COL4A3: variants seen among roughly 807,000 people sequenced by gnomAD.
The protein encoded by COL4A3 is collagen alpha-3(IV) chain.
Under a neutral mutation model 217.4 loss-of-function variants are expected in COL4A3, and 135 were observed. The observed-to-expected ratio is 0.62, with a 90% CI of 0.54 to 0.72. The LOEUF (loss-of-function observed/expected upper bound fraction) is 0.72, where lower values mean the gene tolerates loss of function less well. Among genes scored for constraint, COL4A3 ranks in the 30% least tolerant of loss-of-function variants. COL4A3 has a pLI of 0.00. For missense variants in COL4A3, 1,868 were observed against 2,119.9 expected (o/e 0.88, Z 2.33); for synonymous variants, 690 against 736.3 (o/e 0.94, Z 1.02).
intron 1 of COL4A3, among the ~76,000 whole-genome samples, chr2:227,203,298 T>TATACATAC: frequency 1.3e-5 from 1 of 74,330 alleles, no homozygotes; most frequent in Non-Finnish European, 2.7e-5. Context: ...CATATATGTG[T>TATACATAC]ATATATGTGT....
At chr2:227,232,983 C>G (rs1268511825) in intron 1 of COL4A3, among the ~76,000 whole-genome samples, 1 of 152,116 alleles carries the variant, frequency 6.6e-6, no homozygotes, top group Non-Finnish European at 1.5e-5. Context: ...GATTGTTCCA[C>G]AAGCATCTTT....
At chr2:227,194,677 T>G (rs2066401592) in intron 1 of COL4A3, among the ~76,000 whole-genome samples, 1 of 152,042 alleles carries the variant, frequency 6.6e-6, no homozygotes, top group South Asian at 2.1e-4. Context: ...TTTCTTAAAT[T>G]CAAATATAAA....
chr2:227,223,135 T>C (rs1008439826), intron 1 of COL4A3, among the ~76,000 whole-genome samples: 5 of 110,498 alleles, frequency 4.5e-5, no homozygotes, highest in African/African-American at 8.6e-5. Context: ...TCTCAGAGTG[T>C]GGTCTGGGGA....
chr2:227,309,723 T>C (rs1021055505), intron 50 of COL4A3, among the ~76,000 whole-genome samples: 1 of 152,160 alleles, frequency 6.6e-6, no homozygotes, highest in African/African-American at 2.4e-5. Context: ...TGCCTCGGCC[T>C]GCTGAGTAGC....
chr2:227,299,571 C>G (rs546652312), intron 43 of COL4A3, among the ~76,000 whole-genome samples: 1 of 152,224 alleles, frequency 6.6e-6, no homozygotes, highest in South Asian at 2.1e-4. Context: ...ACAGCCAAAC[C>G]ATATCATTAA....
chr2:227,283,096 T>C (rs1354113625), intron 32 of COL4A3, among the ~76,000 whole-genome samples: 1 of 152,206 alleles, frequency 6.6e-6, no homozygotes, highest in Non-Finnish European at 1.5e-5. Flanking sequence ...AGTTTTGGTA[T>C]TCTGTTTCTC....
intron 1 of COL4A3, among the ~76,000 whole-genome samples, chr2:227,198,898 G>C (rs2066581889): frequency 6.6e-6 from 1 of 152,216 alleles, no homozygotes; most frequent in African/African-American, 2.4e-5. Context: ...GGAATCAACA[G>C]AGATTTGTAC....
chr2:227,268,923 T>C (rs1295145514), intron 23 of COL4A3, among the ~76,000 whole-genome samples: 1 of 152,228 alleles, frequency 6.6e-6, no homozygotes. Context: ...GCTGACCACT[T>C]ATTGCATTGT....
chr2:227,222,174 T>TAAA (rs1553744308), intron 1 of COL4A3, among the ~76,000 whole-genome samples: 3,197 of 113,024 alleles, frequency 0.028, 64 homozygotes, highest in East Asian at 0.071. Context: ...ATGATAATGA[T>TAAA]AATAAAAAGC....
intron 1 of COL4A3, among the ~76,000 whole-genome samples, chr2:227,198,156 T>C (rs915605117): frequency 6.6e-6 from 1 of 152,234 alleles, no homozygotes; most frequent in Admixed American, 6.5e-5. Flanking sequence ...ATAGATTTAA[T>C]TCAGTTCTCA....
chr2:227,260,324 T>C (rs922808737), intron 19 of COL4A3, among the ~76,000 whole-genome samples: 13 of 152,222 alleles, frequency 8.5e-5, no homozygotes, highest in Admixed American at 8.5e-4. Flanking sequence ...CTGTATCACT[T>C]TGGAGAAATC....
Position 227,292,343 on chromosome 2 carries a change from AG to A in COL4A3, c.3211-847del, listed in dbSNP as rs578057268. 1.1e-3 allele frequency among the ~76,000 whole-genome samples: 173 copies of A among 152,346 alleles called. 1 individual carries two copies. Among genetic ancestry groups the A allele is most frequent in the African/African-American group, 4.0e-3 (166 of 41,584 alleles). On this transcript the variant is annotated intron_variant, in intron 37 of 51. Coordinates refer to ENST00000396578, the MANE Select transcript of COL4A3 (RefSeq NM_000091.5). The stretch of plus-strand genomic sequence containing the variant: ...TTCTTTATATTTAGATTAAGTCCTC[AG>A]AAAACCTGAGATTGCTTCCACTGAG...
In COL4A3 at chr2:227,308,901, A is replaced by C; in HGVS notation, c.4465A>C (p.Thr1489Pro). ...TACTCAGTCTGATGTTTCATTAGGA[A>C]CTCTTGGCAGCTGCCTGCAGCGATT... ...NQRAHGQDLG[T>P]LGSCLQRFTT... is the part of the protein sequence containing the mutation. The change falls in exon 49 of 52, where the codon ACT becomes CCT. Residue 1489 changes from threonine (T) to proline (P), a missense_variant and splice_region_variant. Thr to Pro is a conservative substitution (Grantham distance 38, BLOSUM62 -1). This residue lies in a region of COL4A3 where 1,503 missense variants were observed against 1,786.1 expected (regional missense o/e 0.84). Coordinates refer to ENST00000396578, the MANE Select transcript of COL4A3 (RefSeq NM_000091.5). The C allele has an allele frequency of 6.2e-7, 1 of 1,613,768 alleles. No homozygotes were observed. The highest frequency in any genetic ancestry group is 8.5e-7 in the Non-Finnish European group (1 of 1,179,980).
chr2:227,234,846 A>G (rs2068604157), intron 1 of COL4A3, among the ~76,000 whole-genome samples: 1 of 152,114 alleles, frequency 6.6e-6, no homozygotes, highest in South Asian at 2.1e-4. Flanking sequence ...AGGCCCCCAC[A>G]CCTTCTCACA....
chr2:227,277,065 A>C (rs2071611291), intron 27 of COL4A3, among the ~76,000 whole-genome samples: 1 of 152,206 alleles, frequency 6.6e-6, no homozygotes, highest in African/African-American at 2.4e-5. Context: ...CACGCCTGTA[A>C]TCCCAGCACT....
intron 31 of COL4A3, among the ~76,000 whole-genome samples, chr2:227,281,993 C>T (rs574344176): frequency 2.0e-5 from 3 of 152,236 alleles, no homozygotes; most frequent in East Asian, 3.9e-4. Context: ...CTAAAGTGGC[C>T]GGGTGCAGTG....
Position 227,240,225 on chromosome 2 carries a change from G to T in COL4A3, c.227G>T (p.Gly76Val), listed in dbSNP as rs985132802. 4 of 1,609,540 alleles carry T rather than the reference G, an allele frequency of 2.5e-6. No individual in the cohort carries two copies. The African/African-American group carries it at 5.3e-5, about 22-fold the overall frequency. The change falls in exon 3 of 52, where the codon GGA becomes GTA. Residue 76 changes from glycine to valine, a missense_variant. Physicochemically the swap from Gly to Val is moderately radical, Grantham distance 109. This residue lies in a region of COL4A3 where 365 missense variants were observed against 333.8 expected (regional missense o/e 1.09). Transcript: ENST00000396578. Reference protein sequence around the residue: ...TGPEGLPGPQGPKGFPGLPGL... With the variant: ...TGPEGLPGPQVPKGFPGLPGL... ...CCTGAAGGCTTGCCTGGACCGCAGG[G>T]ACCCAAGGTATGTCATCCTGCAAGC... is the stretch of plus-strand genomic sequence containing the variant.
rs1134745 is a variant in COL4A3 at position 227,312,851 on chromosome 2, C to T, written c.*981C>T. ...GTTTATCAGACTCGGAATCTATTTT[C>T]TCATTGCTCTGAATATGTCATCACT... On this transcript the variant is annotated 3_prime_UTR_variant, in exon 52 of 52. Coordinates refer to ENST00000396578, the MANE Select transcript of COL4A3 (RefSeq NM_000091.5). The T allele has an allele frequency of 0.2, 30,259 of 151,896 alleles. 3,047 individuals are homozygous for T. The highest frequency in any genetic ancestry group is 0.24 in the African/African-American group (9,970 of 41,248). The allele number at this position is 151,896 out of a possible 1,614,324, so 9.4% of individuals were successfully genotyped here. A position where few individuals can be genotyped will look rare whatever the true frequency, so the allele number is the denominator to read the frequency against.
intron 1 of COL4A3, among the ~76,000 whole-genome samples, chr2:227,202,547 A>G (rs2066730956): frequency 1.3e-5 from 2 of 151,244 alleles, no homozygotes; most frequent in South Asian, 4.2e-4. Context: ...GATCGAGACC[A>G]TCTTGGCTAA....
Sources: allele counts gnomAD v4.1 joint callset (sites outside exome capture counted in the v4.1 genomes callset), GRCh38; gene constraint gnomAD v4.1.1; regional missense constraint gnomAD v4.1.1; transcripts MANE v1.5; gene names NCBI Gene and HGNC (gene_info 2026-07-23, HGNC 2026-07-21).